Variants in NTRK3 observed in about 807,000 individuals in gnomAD.
NTRK3 encodes neurotrophic receptor tyrosine kinase 3.
In NTRK3, 24 loss-of-function variants were observed where a neutral mutation model predicts 91.7. That is an observed-to-expected ratio of 0.26 (90% CI 0.19 to 0.37). The LOEUF (loss-of-function observed/expected upper bound fraction) is 0.37. Ranked by LOEUF, NTRK3 falls within the 10% of genes least tolerant of loss-of-function variation. NTRK3 has a pLI of 1.00. For missense variants in NTRK3, 880 were observed against 1,068.9 expected, an observed-to-expected ratio of 0.82 and a Z score of 2.46; for synonymous variants, 483 against 404.0, an observed-to-expected ratio of 1.20 and a Z score of -2.34.
intron 14 of NTRK3, among the ~76,000 whole-genome samples, chr15:87,972,347 A>T (rs1004340368): frequency 6.6e-6 from 1 of 152,160 alleles, no homozygotes; most frequent in African/African-American, 2.4e-5. Context: ...AGGTGACATG[A>T]TGTTCTGTCC....
chr15:87,867,081 C>T (rs2064702225), exon 19 of NTRK3: 1 of 224,622 alleles, frequency 4.5e-6, no homozygotes, highest in African/African-American at 2.2e-5. Flanking sequence ...GATGGTTTGA[C>T]TTCAAAAAGA....
intron 13 of NTRK3, among the ~76,000 whole-genome samples, chr15:88,090,102 G>A (rs1306060859): frequency 2.6e-5 from 4 of 151,944 alleles, no homozygotes; most frequent in South Asian, 2.1e-4. Context: ...CTCTCTGCTC[G>A]GCTTGCACTC....
chr15:87,972,597 C>T (rs1329974433), intron 14 of NTRK3, among the ~76,000 whole-genome samples: 1 of 152,156 alleles, frequency 6.6e-6, no homozygotes, highest in African/African-American at 2.4e-5. Context: ...GCCCCAGTCC[C>T]CACCCATAGG....
At chr15:87,906,762 C>T (rs1199132004) in intron 17 of NTRK3, among the ~76,000 whole-genome samples, 1 of 152,188 alleles carries the variant, frequency 6.6e-6, no homozygotes, top group Non-Finnish European at 1.5e-5. Flanking sequence ...ACAACACTAA[C>T]TACCACCACC....
At chr15:88,026,519 G>A (rs1371400461) in intron 14 of NTRK3, among the ~76,000 whole-genome samples, 2 of 152,104 alleles carry the variant, frequency 1.3e-5, no homozygotes, top group African/African-American at 4.8e-5. Context: ...CGGACATTTT[G>A]GACAGTGAAA....
chr15:88,048,304 C>T (rs962269447), intron 13 of NTRK3, among the ~76,000 whole-genome samples: 2 of 152,088 alleles, frequency 1.3e-5, no homozygotes, highest in African/African-American at 4.8e-5. Context: ...AATTTCATAA[C>T]GTTATTGGAT....
At chr15:87,935,421 T>C (rs752480901) in intron 15 of NTRK3, among the ~76,000 whole-genome samples, 3 of 152,216 alleles carry the variant, frequency 2.0e-5, no homozygotes, top group Admixed American at 1.3e-4. Context: ...TGTCTACCTA[T>C]AGCCAGAACA....
chr15:87,928,091 T>C (rs949400951), intron 17 of NTRK3: 2 of 152,392 alleles, frequency 1.3e-5, no homozygotes, highest in Non-Finnish European at 2.9e-5. Context: ...GAAATTCTCC[T>C]GCTTCAACCT....
At chr15:88,101,309 A>G (rs1243834845) in intron 13 of NTRK3, among the ~76,000 whole-genome samples, 3 of 152,370 alleles carry the variant, frequency 2.0e-5, no homozygotes, top group East Asian at 3.9e-4. Flanking sequence ...AATCAAAACC[A>G]CAATGAGATG....
intron 13 of NTRK3, among the ~76,000 whole-genome samples, chr15:88,088,009 C>T (rs2048665699): frequency 6.6e-6 from 1 of 152,146 alleles, no homozygotes; most frequent in African/African-American, 2.4e-5. Context: ...CAAGATCACG[C>T]CACTCCACTC....
chr15:88,148,416 T>A lies in NTRK3; in HGVS notation c.396-1013A>T, dbSNP rs141794770. ...AGAAGGAAGAGTATCAACACCGTGA[T>A]GTAAGTAACTGATACAGGAGTGCGG... On this transcript the variant is annotated intron_variant, in intron 5 of 18. Coordinates refer to ENST00000394480, the Ensembl canonical transcript of NTRK3. Among the ~76,000 whole-genome samples the A allele has an allele frequency of 5.7e-4, 87 of 152,292 alleles. No individual in the cohort carries two copies. In the East Asian group the frequency reaches 0.016, roughly 27 times the overall value.
intron 14 of NTRK3, among the ~76,000 whole-genome samples, chr15:88,013,490 A>G (rs753907149): frequency 5.3e-5 from 8 of 152,226 alleles, no homozygotes; most frequent in Non-Finnish European, 8.8e-5. Flanking sequence ...CTGTTTGTCA[A>G]CTGTAAATCG....
chr15:88,066,671 C>T (rs2046676842), intron 13 of NTRK3, among the ~76,000 whole-genome samples: 1 of 152,152 alleles, frequency 6.6e-6, no homozygotes, highest in South Asian at 2.1e-4. Context: ...TGTCCATCAC[C>T]CGCCCTGAGG....
At chr15:88,225,684 C>G (rs903003149) in intron 3 of NTRK3, among the ~76,000 whole-genome samples, 3 of 152,200 alleles carry the variant, frequency 2.0e-5, no homozygotes, top group Non-Finnish European at 4.4e-5. Context: ...GCACAGCCCA[C>G]TTCCCCTCTT....
intron 5 of NTRK3, among the ~76,000 whole-genome samples, chr15:88,178,215 G>C (rs1030316935): frequency 6.6e-6 from 1 of 152,172 alleles, no homozygotes; most frequent in Non-Finnish European, 1.5e-5. Context: ...AAAATTTACT[G>C]AGATACTGTC....
At chr15:88,224,152 T>C (rs1488184240) in intron 3 of NTRK3, among the ~76,000 whole-genome samples, 1 of 152,148 alleles carries the variant, frequency 6.6e-6, no homozygotes, top group African/African-American at 2.4e-5. Flanking sequence ...GATGATACAG[T>C]GTCAGAAGGC....
At chr15:88,020,640 G>C (rs999905) in intron 14 of NTRK3, among the ~76,000 whole-genome samples, 46,618 of 151,948 alleles carry the variant, frequency 0.31, 7,334 homozygotes, top group South Asian at 0.4. Context: ...TTCTCCTACC[G>C]CTTCATCTCA....
At position 88,255,483 on chromosome 15, in the gene NTRK3, G is replaced by GCTGCCACCGCCGCTGCCGCCT. The variant is rs1213049353; in HGVS notation, c.248+402_248+422dup. On this transcript the variant is annotated intron_variant, in intron 3 of 18. Transcript: ENST00000394480. The surrounding 1 kb of genome is among the most constrained non-coding windows in gnomAD (Gnocchi z 4.3). ...TCCCTGCCGGCTAAGCGCTGCCGCC[G>GCTGCCACCGCCGCTGCCGCCT]CTGCCACCGCCGCTGCCGCCTCTGC... 6.6e-6 allele frequency among the ~76,000 whole-genome samples: 1 copy of GCTGCCACCGCCGCTGCCGCCT among 152,070 alleles called. No individual in the cohort carries two copies. Among genetic ancestry groups the GCTGCCACCGCCGCTGCCGCCT allele is most frequent in the Non-Finnish European group, 1.5e-5 (1 of 68,016 alleles).
intron 13 of NTRK3, among the ~76,000 whole-genome samples, chr15:88,095,377 C>T (rs1443642685): frequency 6.6e-6 from 1 of 152,130 alleles, no homozygotes; most frequent in Admixed American, 6.5e-5. Context: ...AACTGGATGA[C>T]CCAACCCTTC....
Sources: gnomAD v4.1 joint callset for allele counts (sites outside exome capture counted in the v4.1 genomes callset) on GRCh38, gnomAD v4.1.1 for gene constraint, Gnocchi (gnomAD v3.1) non-coding constraint, MANE v1.5 for transcripts, NCBI Gene and HGNC (gene_info 2026-07-23, HGNC 2026-07-21) for gene names.